Variants in PEX5 observed in about 807,000 individuals in gnomAD.
The protein encoded by PEX5 is PTS1 receptor.
Under a neutral mutation model 82.9 loss-of-function variants are expected in PEX5, and 52 were observed. That is an observed-to-expected ratio of 0.63 (90% CI 0.50 to 0.79). The LOEUF is 0.79. PEX5 is among the 30% of genes least tolerant of loss of function. The pLI, the probability that PEX5 is intolerant of heterozygous loss-of-function variation, is 0.00. For missense variants in PEX5, 719 were observed against 815.2 expected (o/e 0.88, Z 1.44); for synonymous variants, 300 against 318.8 (o/e 0.94, Z 0.63).
downstream of PEX5, among the ~76,000 whole-genome samples, chr12:7,216,070 C>G (rs1046158828): frequency 6.6e-6 from 1 of 152,138 alleles, no homozygotes; most frequent in African/African-American, 2.4e-5. Flanking sequence ...CCGGTTCAAG[C>G]GATTCTCCTG....
chr12:7,212,308 A>G (rs1431270445), downstream of PEX5, among the ~76,000 whole-genome samples: 1 of 151,886 alleles, frequency 6.6e-6, no homozygotes, highest in East Asian at 1.9e-4. Flanking sequence ...AGTTTTTCAA[A>G]TAGAGACTAG....
In PEX5 at chr12:7,210,851, G is replaced by C. The variant is rs12316371; in HGVS notation, c.*628G>C. 6.7e-3 allele frequency: 1,159 copies of C among 172,408 alleles called. 15 individuals are homozygous for C. The highest frequency in any genetic ancestry group is 0.027 in the African/African-American group (1,113 of 41,960). The allele number at this position is 172,408 out of a possible 1,614,324, so 10.7% of individuals were successfully genotyped here. On this transcript the variant is annotated 3_prime_UTR_variant, in exon 16 of 16. Coordinates refer to ENST00000675855, the MANE Select transcript of PEX5 (RefSeq NM_001351132.2). ...AATAGTCCTGTGTCATCACTGCAGC[G>C]GTCCTCAGGAGCTGCCAGGGCCAAT...
Position 7,197,252 on chromosome 12 carries a change from T to TATGTAATAATTATGTC in PEX5, c.449-1746_449-1745insGTCATGTAATAATTAT. The stretch of plus-strand genomic sequence containing the variant: ...TGTCATATGTAATAATTATATGTCA[T>TATGTAATAATTATGTC]ATGTAATAATTATATATGTCATATA... On this transcript the variant is annotated intron_variant, in intron 5 of 15. Transcript: ENST00000675855. Among the ~76,000 whole-genome samples, 2 of 15,440 alleles carry TATGTAATAATTATGTC rather than the reference T, an allele frequency of 1.3e-4. 1 individual carries two copies. The highest frequency in any genetic ancestry group is 3.5e-4 in the African/African-American group (2 of 5,654). 10.1% of individuals were successfully genotyped at this position (15,440 alleles called of 152,430 possible).
chr12:7,189,583 T>C (rs758791821), upstream of PEX5: 45 of 249,366 alleles, frequency 1.8e-4, 1 homozygote, highest in South Asian at 1.9e-3. Flanking sequence ...TGCGTCGCAG[T>C]CTTAAGGCCC....
upstream of PEX5, chr12:7,188,694 G>C (rs1411844915): frequency 6.6e-6 from 1 of 152,596 alleles, no homozygotes; most frequent in Non-Finnish European, 1.5e-5. Flanking sequence ...CATGCACCCT[G>C]GGCTGGGATG....
intron 7 of PEX5, 41 bp downstream of exon 7, chr12:7,201,882 T>C: frequency 7.0e-7 from 1 of 1,423,588 alleles, no homozygotes; most frequent in Non-Finnish European, 9.9e-7. Context: ...GCAGAGCTGG[T>C]TTTGGAAGGC....
chr12:7,203,688 C>A, intron 10 of PEX5, 137 bp downstream of exon 10: 1 of 798,498 alleles, frequency 1.3e-6, no homozygotes, highest in Non-Finnish European at 2.1e-6. Context: ...GAATAATTCC[C>A]TTGCCCTTCC....
intron 10 of PEX5, 44 bp downstream of exon 10, chr12:7,203,595 C>G (rs372374203): frequency 6.3e-7 from 1 of 1,581,844 alleles, no homozygotes; most frequent in African/African-American, 1.3e-5. Flanking sequence ...GAACTTCCTT[C>G]TTTTTAACGT....
chr12:7,190,904 G>C lies in PEX5; in HGVS notation c.164G>C (p.Gly55Ala). The part of the protein sequence containing the change: ...PASEAASKPL[G>A]VASEDELVAE... ...CTCTCTTAGGCCTCCAAGCCTTTGG[G>C]AGTAGCTTCTGAAGATGAGGTAAAT... is the stretch of plus-strand genomic sequence containing the variant. The change falls in exon 3 of 16, where the codon GGA (glycine) becomes GCA (alanine). Residue 55 changes from glycine (G) to alanine (A), a missense_variant. By Grantham distance (60) the Gly-to-Ala change is moderately conservative (BLOSUM62 0). Transcript: ENST00000675855. 1 of 1,613,588 alleles carries C rather than the reference G, an allele frequency of 6.2e-7. No homozygotes were observed. The highest frequency in any genetic ancestry group is 1.1e-5 in the South Asian group (1 of 91,072).
chr12:7,190,813 A>G, intron 2 of PEX5, 75 bp from the exon 3 acceptor site: 1 of 1,427,964 alleles, frequency 7.0e-7, no homozygotes, highest in Non-Finnish European at 9.9e-7. Context: ...GCCGAGGCTC[A>G]GATGCCTATG....
downstream of PEX5, chr12:7,211,460 T>C (rs184344230): frequency 2.2e-4 from 33 of 152,352 alleles, no homozygotes; most frequent in Admixed American, 1.9e-3. Flanking sequence ...GTACGAAGAA[T>C]AAATGGAACT....
chr12:7,202,468 C>T, intron 8 of PEX5, 117 bp downstream of exon 8: 5 of 1,442,866 alleles, frequency 3.5e-6, no homozygotes, highest in Non-Finnish European at 3.9e-6. Context: ...TTGATAGCAT[C>T]CAGGTCCCAA....
At chr12:7,190,999 G>T in intron 3 of PEX5, 76 bp downstream of exon 3, 4 of 1,429,476 alleles carry the variant, frequency 2.8e-6, no homozygotes, top group Non-Finnish European at 3.0e-6. Context: ...TAGTTCACCC[G>T]TATTTCAATT....
chr12:7,201,992 C>A, intron 7 of PEX5, 151 bp downstream of exon 7: 1 of 752,622 alleles, frequency 1.3e-6, no homozygotes, highest in Non-Finnish European at 2.3e-6. Flanking sequence ...TAAGATCCTG[C>A]CTCTTCCTTC....
chr12:7,209,290 T>G (rs1389816910), intron 14 of PEX5, 120 bp downstream of exon 14: 2 of 1,003,254 alleles, frequency 2.0e-6, no homozygotes, highest in Non-Finnish European at 3.1e-6. Context: ...GAGGCTGAAG[T>G]GGGAGGATCA....
chr12:7,200,828 G>A (rs1372395302), intron 6 of PEX5, among the ~76,000 whole-genome samples: 1 of 151,584 alleles, frequency 6.6e-6, no homozygotes. Context: ...GCAGGGAGCC[G>A]AGATGGCAGC....
intron 5 of PEX5, among the ~76,000 whole-genome samples, chr12:7,198,323 TC>T (rs1943128101): frequency 6.6e-6 from 1 of 152,194 alleles, no homozygotes; most frequent in African/African-American, 2.4e-5. Context: ...TGTATCTTGA[TC>T]CGGGTGGTGG....
Position 7,200,110 on chromosome 12 carries a change from G to A in PEX5, c.551+997G>A, listed in dbSNP as rs1384184881. ...CTCCCGGACGGGGTGGCTGCCGGGC[G>A]GAGACGCTCCTCACTTCCCAGACGG... On this transcript the variant is annotated intron_variant, in intron 6 of 15. Transcript: ENST00000675855. 4.8e-5 allele frequency among the ~76,000 whole-genome samples: 7 copies of A among 146,382 alleles called. 1 individual carries two copies. Among genetic ancestry groups the A allele is most frequent in the Non-Finnish European group, 6.0e-5 (4 of 66,136 alleles).
At chr12:7,193,011 T>C (rs1428064414) in intron 5 of PEX5, among the ~76,000 whole-genome samples, 1 of 152,240 alleles carries the variant, frequency 6.6e-6, no homozygotes, top group African/African-American at 2.4e-5. Flanking sequence ...CACCCATAAG[T>C]TGGAGTTAAG....
Sources: gnomAD v4.1 joint callset for allele counts (sites outside exome capture counted in the v4.1 genomes callset) on GRCh38, gnomAD v4.1.1 for gene constraint, MANE v1.5 for transcripts, NCBI Gene and HGNC (gene_info 2026-07-23, HGNC 2026-07-21) for gene names.